Variants in SPEG observed in about 807,000 individuals in gnomAD.
The protein encoded by SPEG is striated muscle preferentially expressed protein kinase.
SPEG carries 114 observed loss-of-function variants against 300.4 expected under a neutral mutation model. The ratio of observed to expected loss-of-function variants is 0.38; its 90% CI spans 0.33 to 0.44. The LOEUF is 0.44. SPEG is among the 20% of genes least tolerant of loss of function. The pLI is 1.00. For synonymous variants in SPEG, 1,964 were observed against 2,018.9 expected (o/e 0.97, Z 0.73); for missense variants, 4,201 against 4,586.2 (o/e 0.92, Z 2.43).
At position 219,477,332 on chromosome 2, in the gene SPEG, A is replaced by G. The variant is rs770573698; in HGVS notation, c.4616A>G (p.Glu1539Gly). ...GTGAGCTTCGTGTACGAGGAGAATG[A>G]GTGCTCCCTGGTGGTGCTCAGCACG... ...SHVSFVYEEN[E>G]CSLVVLSTGA... The change falls in exon 20 of 41, where the codon GAG (glutamate) becomes GGG (glycine). Residue 1539 changes from glutamate to glycine, a missense_variant. Coordinates refer to ENST00000312358, the MANE Select transcript of SPEG (RefSeq NM_005876.5). The surrounding 1 kb of genome is among the most constrained non-coding windows in gnomAD (Gnocchi z 6.4). The G allele has an allele frequency of 1.9e-6, 3 of 1,613,418 alleles. No homozygotes were observed. The African/African-American group carries it at 4.0e-5, about 22-fold the overall frequency.
At chr2:219,463,564 C>T (rs1214054487) in intron 8 of SPEG, among the ~76,000 whole-genome samples, 3 of 151,530 alleles carry the variant, frequency 2.0e-5, no homozygotes, top group Non-Finnish European at 4.4e-5. Flanking sequence ...CAGGCATGTG[C>T]CACCACACCC....
In SPEG at chr2:219,443,032, A is replaced by T. The variant is rs556119786; in HGVS notation, c.389-1621A>T. 5 of 1,184,644 alleles carry T rather than the reference A, an allele frequency of 4.2e-6. No individual in the cohort carries two copies. In the East Asian group the frequency reaches 1.2e-4, roughly 28 times the overall value. 73.4% of individuals were successfully genotyped at this position (1,184,644 alleles called of 1,614,324 possible). ...GGAATGAGTTTCTGCTTGATGTTGCAGGTCTGGATGGGAGGCACAGGGACC... is the reference window on the plus strand; with the variant it reads ...GGAATGAGTTTCTGCTTGATGTTGCTGGTCTGGATGGGAGGCACAGGGACC... On this transcript the variant is annotated intron_variant, in intron 1 of 40. Coordinates refer to ENST00000312358, the MANE Select transcript of SPEG (RefSeq NM_005876.5). The surrounding 1 kb of genome is among the most constrained non-coding windows in gnomAD (Gnocchi z 4.6).
In SPEG at chr2:219,488,203, C is replaced by G; in HGVS notation, c.7751C>G (p.Pro2584Arg). ...QYVRSESDFP[P>R]VFHIKLKDQV... ...TCTGCTTTTCCTCCAGACTTCCCCC[C>G]AGTCTTCCACATCAAACTCAAGGAC... The change falls in exon 32 of 41, where the codon CCA (proline) becomes CGA (arginine). Residue 2584 changes from proline to arginine, a missense_variant. Pro to Arg is a moderately radical substitution (Grantham distance 103). Coordinates refer to ENST00000312358, the MANE Select transcript of SPEG (RefSeq NM_005876.5). 1 of 1,612,130 alleles carries G rather than the reference C, an allele frequency of 6.2e-7. No homozygotes were observed. Among genetic ancestry groups the G allele is most frequent in the Non-Finnish European group, 8.5e-7 (1 of 1,178,692 alleles).
In SPEG at chr2:219,479,748, T is replaced by C; in HGVS notation, c.5086-35T>C. The C allele has an allele frequency of 6.2e-7, 1 of 1,605,982 alleles. No individual in the cohort carries two copies. The highest frequency in any genetic ancestry group is 8.5e-7 in the Non-Finnish European group (1 of 1,173,290). ...GGAGGTGTTCAGACATACACCACCC[T>C]TCCCCCTCAGACTCTGGGCCCACTA... On this transcript the variant is annotated intron_variant, in intron 23 of 40. Coordinates refer to ENST00000312358, the MANE Select transcript of SPEG (RefSeq NM_005876.5). The surrounding 1 kb of genome is among the most constrained non-coding windows in gnomAD (Gnocchi z 5.5).
intron 13 of SPEG, among the ~76,000 whole-genome samples, chr2:219,470,783 G>A (rs1446072937): frequency 3.3e-5 from 5 of 151,812 alleles, no homozygotes; most frequent in African/African-American, 4.8e-5. Context: ...TTTATTAGCC[G>A]TGGGACCTTG....
In SPEG at chr2:219,441,531, G is replaced by A. The variant is rs1207636461; in HGVS notation, c.389-3122G>A. 6 of 470,406 alleles carry A rather than the reference G, an allele frequency of 1.3e-5. No homozygotes were observed. In the East Asian group the frequency reaches 3.5e-4, roughly 27 times the overall value. The allele number at this position is 470,406 out of a possible 1,614,324, so 29.1% of individuals were successfully genotyped here. On this transcript the variant is annotated intron_variant, in intron 1 of 40. Transcript: ENST00000312358. ...TCTGCCTGGCACAGTGTGTGTGCGC[G>A]CATGTTTGTGGAATGAGCAAGTCGA...
intron 1 of SPEG, chr2:219,437,424 T>A (rs1472553667): frequency 1.3e-5 from 2 of 152,190 alleles, no homozygotes; most frequent in African/African-American, 4.8e-5. Context: ...TGGGCGTACC[T>A]AGACAGAGGC....
chr2:219,475,278 A>G (rs989892559), intron 18 of SPEG, among the ~76,000 whole-genome samples: 2 of 152,200 alleles, frequency 1.3e-5, no homozygotes, highest in Non-Finnish European at 2.9e-5. Context: ...TCCAACCAAA[A>G]GCAAAGAAAG....
In SPEG at chr2:219,448,616, G is replaced by C; in HGVS notation, c.1458G>C (p.Pro486=). Residue 486 remains proline (P), a synonymous_variant, in exon 4 of 41, where the codon CCG becomes CCC. Transcript: ENST00000312358. ...ACGAGCGCACGCGTCAGCGCAGCCC[G>C]GCCTCAGACCTCGAGCTGCGCTTCG... The part of the protein sequence containing the change: ...SLDERTRQRS[P]ASDLELRFAQ... The C allele has an allele frequency of 2.0e-6, 3 of 1,476,786 alleles. No homozygotes were observed. The highest frequency in any genetic ancestry group is 2.7e-6 in the Non-Finnish European group (3 of 1,121,682). The allele number at this position is 1,476,786 out of a possible 1,614,324, so 91.5% of individuals were successfully genotyped here.
Position 219,435,229 on chromosome 2 carries a change from C to G in SPEG, c.252C>G (p.Pro84=). 6.8e-7 allele frequency: 1 copy of G among 1,477,010 alleles called. No homozygotes were observed. The highest frequency in any genetic ancestry group is 1.3e-5 in the South Asian group (1 of 76,708). The allele number at this position is 1,477,010 out of a possible 1,614,324, so 91.5% of individuals were successfully genotyped here. The change falls in exon 1 of 41, where the codon CCC becomes CCG. Residue 84 remains proline, a synonymous_variant. Coordinates refer to ENST00000312358, the MANE Select transcript of SPEG (RefSeq NM_005876.5). The part of the protein sequence containing the change: ...LRWFRDGQLL[P]APAPEPSCLW... The stretch of plus-strand genomic sequence containing the variant: ...GGTTCCGGGATGGGCAGCTCCTGCC[C>G]GCGCCGGCCCCCGAGCCCAGCTGCC...
Position 219,492,811 on chromosome 2 carries a change from G to A in SPEG, c.*25G>A, listed in dbSNP as rs1230127930. The A allele has an allele frequency of 1.9e-6, 3 of 1,550,894 alleles. No individual in the cohort carries two copies. The highest frequency in any genetic ancestry group is 1.4e-5 in the African/African-American group (1 of 73,696). On this transcript the variant is annotated 3_prime_UTR_variant, in exon 41 of 41. Transcript: ENST00000312358. ...GAGGCACGGACCACAGCCAGGCCTC[G>A]GGCTTCAACTGGGGTTCCCACCAAT...
Position 219,483,334 on chromosome 2 carries a change from T to C in SPEG, c.5871T>C (p.Asp1957=). The C allele has an allele frequency of 6.2e-7, 1 of 1,606,216 alleles. No homozygotes were observed. Among genetic ancestry groups the C allele is most frequent in the Non-Finnish European group, 8.5e-7 (1 of 1,176,658 alleles). ...CCCTCACAGACATTCCCACTGAGGATGAGGCCCTGGGGACCCCAGAGACTG... is the reference window on the plus strand; with the variant it reads ...CCCTCACAGACATTCCCACTGAGGACGAGGCCCTGGGGACCCCAGAGACTG... ...RVSLTDIPTE[D]EALGTPETGA... The change falls in exon 30 of 41, where the codon GAT becomes GAC. Residue 1957 remains aspartate (D), a synonymous_variant. Coordinates refer to ENST00000312358, the MANE Select transcript of SPEG (RefSeq NM_005876.5).
In SPEG at chr2:219,478,096, T is replaced by C; in HGVS notation, c.5018T>C (p.Val1673Ala). 1 of 1,613,796 alleles carries C rather than the reference T, an allele frequency of 6.2e-7. No homozygotes were observed. Among genetic ancestry groups the C allele is most frequent in the Non-Finnish European group, 8.5e-7 (1 of 1,179,714 alleles). The change falls in exon 22 of 41, where the codon GTC (valine) becomes GCC (alanine). Residue 1673 changes from valine to alanine, a missense_variant. Physicochemically the swap from Val to Ala is moderately conservative, Grantham distance 64 (BLOSUM62 0). Around this residue, in one of 4 missense-constraint regions of SPEG, gnomAD observed 1,047 missense variants for 1,356.8 expected, o/e 0.77. Coordinates refer to ENST00000312358, the MANE Select transcript of SPEG (RefSeq NM_005876.5). ...AFERRRGLVI[V>A]TELCTEELLE... ...GAGAGGCGCCGGGGACTGGTCATTG[T>C]CACCGAGCTGTATCCTGGGACAGGC...
chr2:219,474,974 G>A (rs1341830935), intron 18 of SPEG, among the ~76,000 whole-genome samples: 1 of 151,948 alleles, frequency 6.6e-6, no homozygotes, highest in Non-Finnish European at 1.5e-5. Context: ...TAGTAGAGAT[G>A]GGGTTTTGCT....
chr2:219,481,248 T>G lies in SPEG; in HGVS notation c.5370-56T>G. The G allele has an allele frequency of 2.0e-5, 31 of 1,570,326 alleles. No individual in the cohort carries two copies. The highest frequency in any genetic ancestry group is 2.5e-5 in the Non-Finnish European group (29 of 1,148,928). On this transcript the variant is annotated intron_variant, in intron 26 of 40. Coordinates refer to ENST00000312358, the MANE Select transcript of SPEG (RefSeq NM_005876.5). The surrounding 1 kb of genome is among the most constrained non-coding windows in gnomAD (Gnocchi z 5.4). The stretch of plus-strand genomic sequence containing the variant: ...TCTGTCCCCAGCCCTGTGCCCCCAC[T>G]GACATTCCCCTTTGTCCCCGCCTGC...
intron 9 of SPEG, chr2:219,465,982 T>C (rs572107230): frequency 1.5e-4 from 188 of 1,294,018 alleles, no homozygotes; most frequent in Non-Finnish European, 1.9e-4. Flanking sequence ...TGTGTGCATG[T>C]GTGTGTGTGC....
In SPEG at chr2:219,448,229, G is replaced by T. The variant is rs1689466361; in HGVS notation, c.1071G>T (p.Lys357Asn). Residue 357 changes from lysine to asparagine, a missense_variant, in exon 4 of 41, where the codon AAG becomes AAT. Coordinates refer to ENST00000312358, the MANE Select transcript of SPEG (RefSeq NM_005876.5). ...CCACCGAAGAGAAGCGAGGGAAGAA[G>T]TCCAAGTCGTCCGGGCCCTCCCTGG... ...DTTTEEKRGK[K>N]SKSSGPSLAG... 1 of 1,612,424 alleles carries T rather than the reference G, an allele frequency of 6.2e-7. No homozygotes were observed. Among genetic ancestry groups the T allele is most frequent in the Admixed American group, 1.7e-5 (1 of 59,988 alleles).
chr2:219,481,565 G>T lies in SPEG; in HGVS notation c.5523-73G>T. 1.9e-6 allele frequency: 3 copies of T among 1,605,620 alleles called. No individual in the cohort carries two copies. Among genetic ancestry groups the T allele is most frequent in the South Asian group, 1.1e-5 (1 of 90,810 alleles). Reference sequence around the variant, plus strand: ...CATGCAAGCCCCCAACTCCTTAGGAGCCCTGTTTGCTCAGTTATTGACTCA... The same window carrying T: ...CATGCAAGCCCCCAACTCCTTAGGATCCCTGTTTGCTCAGTTATTGACTCA... On this transcript the variant is annotated intron_variant, in intron 27 of 40. Transcript: ENST00000312358. The surrounding 1 kb of genome is among the most constrained non-coding windows in gnomAD (Gnocchi z 5.4).
chr2:219,489,012 A>T (rs776341693), intron 34 of SPEG, 42 bp from the exon 35 acceptor site: 4 of 1,609,572 alleles, frequency 2.5e-6, no homozygotes, highest in Non-Finnish European at 2.5e-6. Context: ...AGCTGGGGCC[A>T]CCGCTTCTGT....
Sources: gnomAD v4.1 joint callset for allele counts (sites outside exome capture counted in the v4.1 genomes callset) on GRCh38, gnomAD v4.1.1 for gene constraint, gnomAD v4.1.1 regional missense constraint, Gnocchi (gnomAD v3.1) non-coding constraint, MANE v1.5 for transcripts, NCBI Gene and HGNC (gene_info 2026-07-23, HGNC 2026-07-21) for gene names.